KIRREL3: variants seen among roughly 807,000 people sequenced by gnomAD.
KIRREL3 encodes the protein kirre like nephrin family adhesion molecule 3, also known as kin of IRRE-like protein 3.
KIRREL3 carries 36 observed loss-of-function variants against 89.7 expected under a neutral mutation model. The observed-to-expected ratio is 0.40, with a 90% CI of 0.31 to 0.53. The LOEUF is 0.53. Ranked by LOEUF, KIRREL3 falls within the 20% of genes least tolerant of loss-of-function variation. The pLI, the probability that KIRREL3 is intolerant of heterozygous loss-of-function variation, is 0.49. For missense variants in KIRREL3, 864 were observed against 1,056.6 expected, an observed-to-expected ratio of 0.82 and a Z score of 2.53; for synonymous variants, 445 against 441.4, an observed-to-expected ratio of 1.01 and a Z score of -0.10.
At position 126,788,592 on chromosome 11, in the gene KIRREL3, C is replaced by T. The variant is rs1158834778; in HGVS notation, c.55+211863G>A. ...GCTGCTTTAAGAATGGAAGAAGGAC[C>T]TATGTTCTGCCAGGCTGTGCTGCAG... is the stretch of plus-strand genomic sequence containing the variant. On this transcript the variant is annotated intron_variant, in intron 1 of 16. Coordinates refer to ENST00000525144, the MANE Select transcript of KIRREL3 (RefSeq NM_032531.4). The surrounding 1 kb of genome is among the most constrained non-coding windows in gnomAD (Gnocchi z 4.1). Among the ~76,000 whole-genome samples the T allele has an allele frequency of 6.6e-6, 1 of 152,200 alleles. No homozygotes were observed. Among genetic ancestry groups the T allele is most frequent in the Non-Finnish European group, 1.5e-5 (1 of 68,042 alleles).
chr11:126,575,070 A>C lies in KIRREL3; in HGVS notation c.56-12158T>G, dbSNP rs191305590. Among the ~76,000 whole-genome samples, 13 of 152,308 alleles carry C rather than the reference A, an allele frequency of 8.5e-5. No homozygotes were observed. The highest frequency in any genetic ancestry group is 1.8e-4 in the Non-Finnish European group (12 of 68,036). ...GCAATGTGGAGGAGGCCGGTGGCCC[A>C]GGGCCTGAACTGCAGGAGAATTTAT... On this transcript the variant is annotated intron_variant, in intron 1 of 16. Coordinates refer to ENST00000525144, the MANE Select transcript of KIRREL3 (RefSeq NM_032531.4). The surrounding 1 kb of genome is among the most constrained non-coding windows in gnomAD (Gnocchi z 7.0).
rs1197228295 is a variant in KIRREL3 at position 126,462,932 on chromosome 11, G to A, written c.742+225C>T. ...TCCCACCTTGTACAGGTGTTGAAAT[G>A]TGGCCTGAAGATGTCCTTTGCGAAA... On this transcript the variant is annotated intron_variant, in intron 6 of 16. Transcript: ENST00000525144. The surrounding 1 kb of genome is among the most constrained non-coding windows in gnomAD (Gnocchi z 4.8). Among the ~76,000 whole-genome samples the A allele has an allele frequency of 6.6e-6, 1 of 152,234 alleles. No individual in the cohort carries two copies. The highest frequency in any genetic ancestry group is 1.5e-5 in the Non-Finnish European group (1 of 68,050).
rs1940904648 is a variant in KIRREL3, at chr11:126,571,186, C to T, written c.56-8274G>A. On this transcript the variant is annotated intron_variant, in intron 1 of 16. Transcript: ENST00000525144. This position sits in a 1 kb window ranked among gnomAD's most constrained non-coding sequence, Gnocchi z 7.7. ...AGCCCTTTGGGCTGGCTTTTTGATA[C>T]CTTGCCTAGCTCTTATCATCTTTCT... 6.6e-6 allele frequency among the ~76,000 whole-genome samples: 1 copy of T among 152,152 alleles called. No individual in the cohort carries two copies. Among genetic ancestry groups the T allele is most frequent in the Non-Finnish European group, 1.5e-5 (1 of 68,030 alleles).
At position 126,780,293 on chromosome 11, in the gene KIRREL3, C is replaced by T. The variant is rs929571415; in HGVS notation, c.56-217381G>A. On this transcript the variant is annotated intron_variant, in intron 1 of 16. Coordinates refer to ENST00000525144, the MANE Select transcript of KIRREL3 (RefSeq NM_032531.4). This position sits in a 1 kb window ranked among gnomAD's most constrained non-coding sequence, Gnocchi z 5.3. ...AGCAGCCTATCTTCTTCCGAGTCCA[C>T]TAGAGAAGTGTGGCACAGGAGAGAG... is the stretch of plus-strand genomic sequence containing the variant. 6.6e-6 allele frequency among the ~76,000 whole-genome samples: 1 copy of T among 152,202 alleles called. No individual in the cohort carries two copies. Among genetic ancestry groups the T allele is most frequent in the Non-Finnish European group, 1.5e-5 (1 of 68,048 alleles).
At chr11:126,437,629 T>G (rs932639590) in intron 11 of KIRREL3, among the ~76,000 whole-genome samples, 1 of 151,636 alleles carries the variant, frequency 6.6e-6, no homozygotes, top group African/African-American at 2.4e-5. Context: ...CACATCACAC[T>G]TCACACTAAA....
Position 126,539,227 on chromosome 11 carries a change from A to G in KIRREL3, c.134-12540T>C, listed in dbSNP as rs143426960. Among the ~76,000 whole-genome samples, 288 of 152,314 alleles carry G rather than the reference A, an allele frequency of 1.9e-3. 3 individuals are homozygous for G. Among genetic ancestry groups the G allele is most frequent in the African/African-American group, 5.8e-3 (242 of 41,574 alleles). Reference sequence around the variant, plus strand: ...GTGCACAGAGCCCTGCCTGCCTTCCATAATGGCAGCTGGCAGTATCATTAC... The same window carrying G: ...GTGCACAGAGCCCTGCCTGCCTTCCGTAATGGCAGCTGGCAGTATCATTAC... On this transcript the variant is annotated intron_variant, in intron 2 of 16. Transcript: ENST00000525144.
chr11:126,496,209 G>C lies in KIRREL3; in HGVS notation c.434-22743C>G, dbSNP rs1326053912. ...AATTGACAACCAGACAGATTTTGCA[G>C]AACTAGCCAGTCAACTTTCAAAGGT... is the stretch of plus-strand genomic sequence containing the variant. On this transcript the variant is annotated intron_variant, in intron 4 of 16. Transcript: ENST00000525144. The surrounding 1 kb of genome is among the most constrained non-coding windows in gnomAD (Gnocchi z 4.9). Among the ~76,000 whole-genome samples the C allele has an allele frequency of 6.6e-6, 1 of 152,208 alleles. No individual in the cohort carries two copies. The highest frequency in any genetic ancestry group is 1.9e-4 in the East Asian group (1 of 5,198).
chr11:126,755,212 GA>G lies in KIRREL3; in HGVS notation c.56-192301del, dbSNP rs1490536077. On this transcript the variant is annotated intron_variant, in intron 1 of 16. Transcript: ENST00000525144. This position sits in a 1 kb window ranked among gnomAD's most constrained non-coding sequence, Gnocchi z 4.3. ...AGGTAGGGCATTAAGTAACCAGAGG[GA>G]AAAAAATGTATTCCCATCCGAGGCC... 1.3e-5 allele frequency among the ~76,000 whole-genome samples: 2 copies of G among 152,094 alleles called. No homozygotes were observed. Among genetic ancestry groups the G allele is most frequent in the Non-Finnish European group, 2.9e-5 (2 of 68,012 alleles).
In KIRREL3 at chr11:126,612,967, C is replaced by T. The variant is rs753359615; in HGVS notation, c.56-50055G>A. Among the ~76,000 whole-genome samples the T allele has an allele frequency of 8.0e-4, 122 of 152,184 alleles. No homozygotes were observed. The highest frequency in any genetic ancestry group is 2.1e-3 in the Admixed American group (32 of 15,280). ...CATCTGTGTAAAGTTTTTGTGTGAACGTATGTTTTCAGTACTCTTGGGTAT... is the reference window on the plus strand; with the variant it reads ...CATCTGTGTAAAGTTTTTGTGTGAATGTATGTTTTCAGTACTCTTGGGTAT... On this transcript the variant is annotated intron_variant, in intron 1 of 16. Coordinates refer to ENST00000525144, the MANE Select transcript of KIRREL3 (RefSeq NM_032531.4). This position sits in a 1 kb window ranked among gnomAD's most constrained non-coding sequence, Gnocchi z 4.5.
At position 126,627,913 on chromosome 11, in the gene KIRREL3, G is replaced by C. The variant is rs528923291; in HGVS notation, c.56-65001C>G. ...GGCAGGAAAACAGCCCAGGAGTTGG[G>C]AGACCCACATCTTCATTCTGTCTCT... On this transcript the variant is annotated intron_variant, in intron 1 of 16. Coordinates refer to ENST00000525144, the MANE Select transcript of KIRREL3 (RefSeq NM_032531.4). This position sits in a 1 kb window ranked among gnomAD's most constrained non-coding sequence, Gnocchi z 5.0. Among the ~76,000 whole-genome samples, 1 of 152,318 alleles carries C rather than the reference G, an allele frequency of 6.6e-6. No individual in the cohort carries two copies. The highest frequency in any genetic ancestry group is 2.1e-4 in the South Asian group (1 of 4,824).
At chr11:126,595,673 A>C (rs1942358476) in intron 1 of KIRREL3, among the ~76,000 whole-genome samples, 1 of 152,220 alleles carries the variant, frequency 6.6e-6, no homozygotes. Flanking sequence ...AGATAGGACT[A>C]GAATGAGTTC....
chr11:126,804,776 A>C (rs1316603450), intron 1 of KIRREL3, among the ~76,000 whole-genome samples: 2 of 152,134 alleles, frequency 1.3e-5, no homozygotes, highest in African/African-American at 2.4e-5. Flanking sequence ...TTTTCCAAGC[A>C]GTGGCTCACA....
intron 1 of KIRREL3, among the ~76,000 whole-genome samples, chr11:126,963,839 C>T (rs1043079830): frequency 6.6e-6 from 1 of 152,128 alleles, no homozygotes; most frequent in Non-Finnish European, 1.5e-5. Flanking sequence ...TTAAAAGTGC[C>T]ACCCCTGGAG....
At chr11:126,554,784 T>C (rs1359642596) in intron 2 of KIRREL3, among the ~76,000 whole-genome samples, 1 of 152,140 alleles carries the variant, frequency 6.6e-6, no homozygotes, top group South Asian at 2.1e-4. Context: ...GGTGACTCAA[T>C]TTTTCTCCCA....
At chr11:126,580,615 C>A (rs1375339347) in intron 1 of KIRREL3, among the ~76,000 whole-genome samples, 1 of 152,104 alleles carries the variant, frequency 6.6e-6, no homozygotes, top group Non-Finnish European at 1.5e-5. Flanking sequence ...CTGGCCCAGC[C>A]CCATGTGCTG....
intron 2 of KIRREL3, among the ~76,000 whole-genome samples, chr11:126,552,566 T>A (rs1939364402): frequency 1.5e-5 from 2 of 137,390 alleles, no homozygotes; most frequent in Admixed American, 7.4e-5. Flanking sequence ...TTTTTTTTTT[T>A]TTTTTTTTTT....
At position 126,544,269 on chromosome 11, in the gene KIRREL3, G is replaced by A. The variant is rs561661987; in HGVS notation, c.134-17582C>T. The A allele has an allele frequency of 1.4e-4, 22 of 152,148 alleles. No individual in the cohort carries two copies. Among genetic ancestry groups the A allele is most frequent in the African/African-American group, 2.9e-4 (12 of 41,424 alleles). The allele number at this position is 152,148 out of a possible 1,614,324, so 9.4% of individuals were successfully genotyped here. ...GGTTAGTACTCTGCTCAGAATTTAC[G>A]GGGCAAATACCATTTAACTGCACAA... is the stretch of plus-strand genomic sequence containing the variant. On this transcript the variant is annotated intron_variant, in intron 2 of 16. Transcript: ENST00000525144. The surrounding 1 kb of genome is among the most constrained non-coding windows in gnomAD (Gnocchi z 5.6).
In KIRREL3 at chr11:126,954,908, C is replaced by T. The variant is rs755171869; in HGVS notation, c.55+45547G>A. Among the ~76,000 whole-genome samples, 48 of 152,206 alleles carry T rather than the reference C, an allele frequency of 3.2e-4. No individual in the cohort carries two copies. Among genetic ancestry groups the T allele is most frequent in the Non-Finnish European group, 5.4e-4 (37 of 68,044 alleles). On this transcript the variant is annotated intron_variant, in intron 1 of 16. Transcript: ENST00000525144. This position sits in a 1 kb window ranked among gnomAD's most constrained non-coding sequence, Gnocchi z 4.1. ...AGAAAGAAGACGCACCTCAAACATA[C>T]TGTGTGGGCAACAACTCTGTCTCTT...
Position 126,776,731 on chromosome 11 carries a change from A to C in KIRREL3, c.56-213819T>G, listed in dbSNP as rs1478098599. Among the ~76,000 whole-genome samples the C allele has an allele frequency of 6.6e-6, 1 of 152,148 alleles. No homozygotes were observed. Among genetic ancestry groups the C allele is most frequent in the African/African-American group, 2.4e-5 (1 of 41,434 alleles). On this transcript the variant is annotated intron_variant, in intron 1 of 16. Coordinates refer to ENST00000525144, the MANE Select transcript of KIRREL3 (RefSeq NM_032531.4). The surrounding 1 kb of genome is among the most constrained non-coding windows in gnomAD (Gnocchi z 4.7). ...AGAACAGAGGGAATGCTTATGGAAC[A>C]CCAACACCACTTCTTCTTTCACCAA...
Sources: gnomAD v4.1 joint callset for allele counts (sites outside exome capture counted in the v4.1 genomes callset) on GRCh38, gnomAD v4.1.1 for gene constraint, Gnocchi (gnomAD v3.1) non-coding constraint, MANE v1.5 for transcripts, NCBI Gene and HGNC (gene_info 2026-07-23, HGNC 2026-07-21) for gene names.